Variants in GMEB2 observed in about 807,000 individuals in gnomAD.
GMEB2 encodes the protein glucocorticoid modulatory element binding protein 2, also known as glucocorticoid modulatory element-binding protein 2.
Under a neutral mutation model 45.7 loss-of-function variants are expected in GMEB2, and 7 were observed. That is an observed-to-expected ratio of 0.15 (90% confidence interval 0.09 to 0.29). The LOEUF (loss-of-function observed/expected upper bound fraction) is 0.29, where lower values mean the gene tolerates loss of function less well. Ranked by LOEUF, GMEB2 falls within the 10% of genes least tolerant of loss-of-function variation. The pLI, the probability that GMEB2 is intolerant of heterozygous loss-of-function variation, is 1.00. For synonymous variants in GMEB2, 322 were observed against 323.6 expected (o/e 1.00, Z 0.05); for missense variants, 582 against 739.2 (o/e 0.79, Z 2.47).
Position 63,590,059 on chromosome 20 carries a change from T to C in GMEB2, c.*30A>G. 1 of 1,489,726 alleles carries C rather than the reference T, an allele frequency of 6.7e-7. No homozygotes were observed. The highest frequency in any genetic ancestry group is 8.9e-7 in the Non-Finnish European group (1 of 1,123,150). The allele number at this position is 1,489,726 out of a possible 1,614,324, so 92.3% of individuals were successfully genotyped here. On this transcript the variant is annotated 3_prime_UTR_variant, in exon 10 of 10. Transcript: ENST00000370077. ...CGCGGCTGAGAGACAGCCAGCCCTGTCCGTCCCAGGGGCCTCGCCCTCCTG... is the reference window on the plus strand; with the variant it reads ...CGCGGCTGAGAGACAGCCAGCCCTGCCCGTCCCAGGGGCCTCGCCCTCCTG...
chr20:63,621,329 G>A (rs1051983779), intron 1 of GMEB2, among the ~76,000 whole-genome samples: 3 of 152,192 alleles, frequency 2.0e-5, no homozygotes, highest in African/African-American at 4.8e-5. Context: ...CGGCGGTGAT[G>A]GCTGCACAAT....
intron 4 of GMEB2, among the ~76,000 whole-genome samples, chr20:63,598,800 C>T (rs572365867): frequency 2.8e-4 from 43 of 152,316 alleles, no homozygotes; most frequent in Non-Finnish European, 2.8e-4. Context: ...TGGCCACTGT[C>T]GGAGCCTGGC....
intron 6 of GMEB2, among the ~76,000 whole-genome samples, chr20:63,594,042 G>A (rs1354737137): frequency 6.6e-6 from 1 of 152,246 alleles, no homozygotes; most frequent in Non-Finnish European, 1.5e-5. Flanking sequence ...CAACGACCTG[G>A]AAGCAGTTGA....
At chr20:63,620,990 A>T (rs1569059984) in intron 1 of GMEB2, among the ~76,000 whole-genome samples, 1 of 152,204 alleles carries the variant, frequency 6.6e-6, no homozygotes, top group Non-Finnish European at 1.5e-5. Context: ...GTGGAAAGAA[A>T]ATCTTGGTAT....
chr20:63,613,550 C>T (rs1430312041), intron 2 of GMEB2, among the ~76,000 whole-genome samples: 2 of 144,788 alleles, frequency 1.4e-5, no homozygotes, highest in African/African-American at 5.1e-5. Context: ...GACTGAGTCT[C>T]GCTCTGTCAC....
At position 63,595,633 on chromosome 20, in the gene GMEB2, G is replaced by A; in HGVS notation, c.596C>T (p.Pro199Leu). 1 of 1,612,178 alleles carries A rather than the reference G, an allele frequency of 6.2e-7. No homozygotes were observed. Among genetic ancestry groups the A allele is most frequent in the Non-Finnish European group, 8.5e-7 (1 of 1,179,390 alleles). Residue 199 changes from proline (P) to leucine (L), a missense_variant, in exon 6 of 10, where the codon CCC (proline) becomes CTC (leucine). Physicochemically the swap from Pro to Leu is moderately conservative, Grantham distance 98. Coordinates refer to ENST00000370077, the MANE Select transcript of GMEB2 (RefSeq NM_012384.5). ...ACCGTCGGCTGCGGCGGGCGTGAGG[G>A]GAATGTACTCGGCCGACGTGGGGCT... The part of the protein sequence containing the change: ...LSSPTSAEYI[P>L]LTPAAADVNG...
At chr20:63,609,039 A>C (rs1334167308) in intron 2 of GMEB2, among the ~76,000 whole-genome samples, 1 of 28,660 alleles carries the variant, frequency 3.5e-5, no homozygotes, top group African/African-American at 8.6e-5. Context: ...CCTCTGACCC[A>C]CACCTCCATT....
intron 2 of GMEB2, among the ~76,000 whole-genome samples, chr20:63,615,212 GAA>G (rs923471348): frequency 3.3e-5 from 5 of 152,198 alleles, no homozygotes; most frequent in Middle Eastern, 3.4e-3. Context: ...GCCAGTTCAC[GAA>G]AAAGAGACTT....
chr20:63,623,719 A>T (rs1222091109), intron 1 of GMEB2, among the ~76,000 whole-genome samples: 2 of 151,846 alleles, frequency 1.3e-5, no homozygotes, highest in Non-Finnish European at 2.9e-5. Context: ...AATCGCTTGA[A>T]CCTGGGCAGC....
rs753140474 is a variant in GMEB2, at chr20:63,592,675, G to C, written c.692-5C>G. The C allele has an allele frequency of 6.2e-7, 1 of 1,612,546 alleles. No homozygotes were observed. The highest frequency in any genetic ancestry group is 1.7e-5 in the Admixed American group (1 of 60,018). On this transcript the variant is annotated splice_region_variant and splice_polypyrimidine_tract_variant and intron_variant, in intron 7 of 9. Coordinates refer to ENST00000370077, the MANE Select transcript of GMEB2 (RefSeq NM_012384.5). This position sits in a 1 kb window ranked among gnomAD's most constrained non-coding sequence, Gnocchi z 8.2. Reference sequence around the variant, plus strand: ...GCCAGAAGGTAAATGTGTCATCTGTGAGGGAAGGAGTGGGTTCAGTGGGCA... The same window carrying C: ...GCCAGAAGGTAAATGTGTCATCTGTCAGGGAAGGAGTGGGTTCAGTGGGCA...
chr20:63,613,770 C>G (rs898405666), intron 2 of GMEB2, among the ~76,000 whole-genome samples: 1 of 152,120 alleles, frequency 6.6e-6, no homozygotes, highest in South Asian at 2.1e-4. Flanking sequence ...CCCTGGCCTC[C>G]CAAAGTGCTG....
chr20:63,624,034 C>T (rs992099508), intron 1 of GMEB2, among the ~76,000 whole-genome samples: 15 of 151,500 alleles, frequency 9.9e-5, no homozygotes, highest in Admixed American at 8.6e-4. Context: ...TGCTTGAACC[C>T]GGGAGGCAGA....
At chr20:63,590,761 G>A (rs1384445186) in intron 9 of GMEB2, 32 bp from the exon 10 acceptor site, 4 of 1,402,922 alleles carry the variant, frequency 2.9e-6, no homozygotes, top group Non-Finnish European at 3.8e-6. Context: ...ATCACACAGG[G>A]GACGGGGGCA....
chr20:63,595,476 G>A, intron 6 of GMEB2, 134 bp downstream of exon 6: 1 of 715,824 alleles, frequency 1.4e-6, no homozygotes, highest in Non-Finnish European at 2.3e-6. Context: ...GACAACTCAG[G>A]GTCCCAGGCA....
rs556530909 is a variant in GMEB2, at chr20:63,606,675, G to C, written c.132-1835C>G. Reference sequence around the variant, plus strand: ...ACAAACAATTTTTTAAGAAAAGAAAGAACTTGGTGGCAAAATGCTTAAAAC... The same window carrying C: ...ACAAACAATTTTTTAAGAAAAGAAACAACTTGGTGGCAAAATGCTTAAAAC... On this transcript the variant is annotated intron_variant, in intron 2 of 9. Coordinates refer to ENST00000370077, the MANE Select transcript of GMEB2 (RefSeq NM_012384.5). Among the ~76,000 whole-genome samples the C allele has an allele frequency of 2.6e-5, 4 of 152,270 alleles. No individual in the cohort carries two copies. In the East Asian group the frequency reaches 5.8e-4, roughly 22 times the overall value.
chr20:63,623,661 G>A (rs1019776580), intron 1 of GMEB2, among the ~76,000 whole-genome samples: 11 of 152,074 alleles, frequency 7.2e-5, no homozygotes, highest in South Asian at 2.1e-4. Context: ...AGCCGGGCGC[G>A]GTGGCAGGTG....
In GMEB2 at chr20:63,592,966, AC is replaced by A. The variant is rs767496742; in HGVS notation, c.691+44del. ...GCCCGAGGTGGGCAGAGACTCCACC[AC>A]CCCGCCAGGGCTTGTGAGAAGCCCA... On this transcript the variant is annotated intron_variant, in intron 7 of 9. Coordinates refer to ENST00000370077, the MANE Select transcript of GMEB2 (RefSeq NM_012384.5). This position sits in a 1 kb window ranked among gnomAD's most constrained non-coding sequence, Gnocchi z 8.2. The A allele has an allele frequency of 7.4e-7, 1 of 1,356,364 alleles. No homozygotes were observed. Among genetic ancestry groups the A allele is most frequent in the South Asian group, 1.2e-5 (1 of 82,438 alleles). 84.0% of individuals were successfully genotyped at this position (1,356,364 alleles called of 1,614,324 possible).
Position 63,590,684 on chromosome 20 carries a change from A to T in GMEB2, c.998T>A (p.Leu333Gln). ...GCTGAGGTGCTGGGACTTGTGCTTCAGCTCCTTGGCTCGGCGACGATGCTC... is the reference window on the plus strand; with the variant it reads ...GCTGAGGTGCTGGGACTTGTGCTTCTGCTCCTTGGCTCGGCGACGATGCTC... Reference protein sequence around the residue: ...CDEHRRRAKELKHKSQHLSNV... With the variant: ...CDEHRRRAKEQKHKSQHLSNV... Residue 333 changes from leucine to glutamine, a missense_variant, in exon 10 of 10, where the codon CTG becomes CAG. Physicochemically the swap from Leu to Gln is moderately radical, Grantham distance 113. Transcript: ENST00000370077. 6.5e-7 allele frequency: 1 copy of T among 1,533,330 alleles called. No individual in the cohort carries two copies. Among genetic ancestry groups the T allele is most frequent in the Non-Finnish European group, 8.8e-7 (1 of 1,137,622 alleles). The allele number at this position is 1,533,330 out of a possible 1,614,324, so 95.0% of individuals were successfully genotyped here. A position where few individuals can be genotyped will look rare whatever the true frequency, so the allele number is the denominator to read the frequency against.
intron 4 of GMEB2, among the ~76,000 whole-genome samples, chr20:63,599,556 C>T (rs2083226452): frequency 1.3e-5 from 2 of 152,354 alleles, no homozygotes; most frequent in South Asian, 4.1e-4. Flanking sequence ...CTGGCGCTGC[C>T]ACCTCTGCTC....
Sources: allele counts gnomAD v4.1 joint callset (sites outside exome capture counted in the v4.1 genomes callset), GRCh38; gene constraint gnomAD v4.1.1; non-coding constraint Gnocchi (gnomAD v3.1); transcripts MANE v1.5; gene names NCBI Gene and HGNC (gene_info 2026-07-23, HGNC 2026-07-21).